Variants in ABCC2 observed in about 807,000 individuals in gnomAD.
The protein encoded by ABCC2 is ATP binding cassette subfamily C member 2, also known as ATP-binding cassette sub-family C member 2.
ABCC2 carries 157 observed loss-of-function variants against 173.4 expected under a neutral mutation model. That is an observed-to-expected ratio of 0.91 (90% CI 0.80 to 1.03). ABCC2 has a LOEUF of 1.03. ABCC2 is among the 50% of genes least tolerant of loss of function. ABCC2 has a pLI of 0.00. For synonymous variants in ABCC2, 657 were observed against 693.5 expected, an observed-to-expected ratio of 0.95 and a Z score of 0.83; for missense variants, 1,822 against 1,852.3, an observed-to-expected ratio of 0.98 and a Z score of 0.30.
intron 14 of ABCC2, among the ~76,000 whole-genome samples, chr10:99,811,285 GCA>G (rs2038208244): frequency 6.6e-6 from 1 of 151,612 alleles, no homozygotes; most frequent in Admixed American, 6.6e-5. Context: ...AGCCAAGATT[GCA>G]CCACTGCACT....
intron 19 of ABCC2, among the ~76,000 whole-genome samples, chr10:99,830,098 C>A (rs568943951): frequency 6.6e-6 from 1 of 152,344 alleles, no homozygotes; most frequent in Non-Finnish European, 1.5e-5. Context: ...AATATTAATT[C>A]ATCTCTCCTT....
chr10:99,789,660 A>AG (rs1185569217), intron 2 of ABCC2, among the ~76,000 whole-genome samples: 1 of 148,240 alleles, frequency 6.7e-6, no homozygotes, highest in Non-Finnish European at 1.5e-5. Context: ...GGTTGCAGTG[A>AG]GATAGCACCA....
rs764114668 is a variant in ABCC2, at chr10:99,845,641, G to C, written c.4005G>C (p.Arg1335Ser). The C allele has an allele frequency of 5.6e-6, 9 of 1,614,024 alleles. No individual in the cohort carries two copies. The South Asian group carries it at 7.7e-5, about 14-fold the overall frequency. ...ATTCGCAGATTGGTGTGGTGGGCAG[G>C]ACAGGAGCTGGAAAGTCATCCCTCA... ...GSMEKIGVVG[R>S]TGAGKSSLTN... The change falls in exon 29 of 32, where the codon AGG becomes AGC. Residue 1335 changes from arginine to serine, a missense_variant. Arg to Ser is a moderately radical substitution (Grantham distance 110). Transcript: ENST00000647814.
intron 9 of ABCC2, among the ~76,000 whole-genome samples, chr10:99,802,152 A>C (rs1261336846): frequency 2.0e-5 from 3 of 150,792 alleles, no homozygotes; most frequent in African/African-American, 7.5e-5. Flanking sequence ...TTTTGCAACT[A>C]TTACAATTAA....
chr10:99,827,767 CT>C, intron 19 of ABCC2, among the ~76,000 whole-genome samples: 1 of 150,666 alleles, frequency 6.6e-6, no homozygotes, highest in East Asian at 2.0e-4. Context: ...TTTAATAAAG[CT>C]GAGATAAGAG....
intron 16 of ABCC2, among the ~76,000 whole-genome samples, chr10:99,816,494 G>A (rs2038415514): frequency 1.3e-5 from 2 of 150,232 alleles, no homozygotes; most frequent in African/African-American, 2.5e-5. Flanking sequence ...ATGTTGGCCA[G>A]GTTGGTCACT....
chr10:99,804,187 G>A lies in ABCC2; in HGVS notation c.1378G>A (p.Gly460Arg). Residue 460 changes from glycine (G) to arginine (R), a missense_variant, in exon 10 of 32, where the codon GGA (glycine) becomes AGA (arginine). Physicochemically the swap from Gly to Arg is moderately radical, Grantham distance 125. Transcript: ENST00000647814. ...LSIFFLWREL[G>R]PSVLAGVGVM... ...TATCTTCTTCCTATGGAGAGAGTTGGGACCCTCAGTCTTAGCAGGTGTTGG... is the reference window on the plus strand; with the variant it reads ...TATCTTCTTCCTATGGAGAGAGTTGAGACCCTCAGTCTTAGCAGGTGTTGG... The A allele has an allele frequency of 6.2e-7, 1 of 1,614,026 alleles. No homozygotes were observed.
At chr10:99,844,776 G>C (rs1231525502) in intron 28 of ABCC2, among the ~76,000 whole-genome samples, 1 of 152,158 alleles carries the variant, frequency 6.6e-6, no homozygotes, top group Non-Finnish European at 1.5e-5. Flanking sequence ...AAACAAGGGG[G>C]CGGCCAGGCC....
At chr10:99,783,896 T>C (rs915357586) in intron 1 of ABCC2, among the ~76,000 whole-genome samples, 5 of 151,938 alleles carry the variant, frequency 3.3e-5, no homozygotes, top group Admixed American at 6.6e-5. Context: ...CTTTAAAGAG[T>C]CTGTATAAAT....
intron 21 of ABCC2, among the ~76,000 whole-genome samples, chr10:99,831,213 ATTTT>A (rs572543262): frequency 6.6e-6 from 1 of 152,026 alleles, no homozygotes; most frequent in Non-Finnish European, 1.5e-5. Flanking sequence ...TTCCACTCTG[ATTTT>A]TTGTTTGTGT....
chr10:99,832,464 G>A (rs939385272), intron 23 of ABCC2, among the ~76,000 whole-genome samples: 7 of 152,198 alleles, frequency 4.6e-5, no homozygotes, highest in African/African-American at 1.4e-4. Flanking sequence ...CCCAGCCTGC[G>A]TGATAAAGGT....
chr10:99,784,612 C>T lies in ABCC2; in HGVS notation c.38C>T (p.Ser13Phe). Residue 13 changes from serine (S) to phenylalanine (F), a missense_variant, in exon 2 of 32, where the codon TCC becomes TTC. Coordinates refer to ENST00000647814, the MANE Select transcript of ABCC2 (RefSeq NM_000392.5). ...TCCTTCCCCTTTGGTCTCCAGAATT[C>T]CTCATTCCTGGACAGTCCGGAGGCA... ...EKFCNSTFWN[S>F]SFLDSPEADL... The T allele has an allele frequency of 6.2e-7, 1 of 1,614,090 alleles. No individual in the cohort carries two copies. Among genetic ancestry groups the T allele is most frequent in the Non-Finnish European group, 8.5e-7 (1 of 1,180,032 alleles).
chr10:99,836,240 G>A lies in ABCC2; in HGVS notation c.3564G>A (p.Val1188=), dbSNP rs779532259. 5 of 1,614,192 alleles carry A rather than the reference G, an allele frequency of 3.1e-6. No individual in the cohort carries two copies. Among genetic ancestry groups the A allele is most frequent in the Non-Finnish European group, 4.2e-6 (5 of 1,180,038 alleles). Residue 1188 remains valine (V), a synonymous_variant, in exon 25 of 32, where the codon GTG becomes GTA. Transcript: ENST00000647814. ...AGCGATTTCTGAAACACAATGAGGT[G>A]AGGATTGACACCAACCAGAAATGTG... ...HQQRFLKHNE[V]RIDTNQKCVF... is the part of the protein sequence containing the mutation.
chr10:99,834,539 G>C lies in ABCC2; in HGVS notation c.3414+4G>C. 1 of 1,614,094 alleles carries C rather than the reference G, an allele frequency of 6.2e-7. No homozygotes were observed. The highest frequency in any genetic ancestry group is 8.5e-7 in the Non-Finnish European group (1 of 1,179,976). On this transcript the variant is annotated splice_donor_region_variant and intron_variant, in intron 24 of 31. Coordinates refer to ENST00000647814, the MANE Select transcript of ABCC2 (RefSeq NM_000392.5). ...CATTATTTATGTATCTGTTCAGGTA[G>C]GTTTGGAAATGGCTAAGTCATCCTT...
At chr10:99,849,486 T>C (rs1482706728) in intron 30 of ABCC2, among the ~76,000 whole-genome samples, 1 of 152,216 alleles carries the variant, frequency 6.6e-6, no homozygotes, top group East Asian at 1.9e-4. Context: ...TTAAATGGTA[T>C]TACCAATGCC....
At position 99,782,822 on chromosome 10, in the gene ABCC2, G is replaced by C. The variant is rs17216156; in HGVS notation, c.-23G>C. 1 of 1,613,500 alleles carries C rather than the reference G, an allele frequency of 6.2e-7. No individual in the cohort carries two copies. The highest frequency in any genetic ancestry group is 2.2e-5 in the East Asian group (1 of 44,870). ...CAATCATATTAATAGAAGAGTCTTC[G>C]TTCCAGACGCAGTCCAGGAATCATG... On this transcript the variant is annotated 5_prime_UTR_variant, in exon 1 of 32. Transcript: ENST00000647814.
chr10:99,816,707 A>T (rs1442477321), intron 16 of ABCC2, among the ~76,000 whole-genome samples: 1 of 152,158 alleles, frequency 6.6e-6, no homozygotes, highest in Non-Finnish European at 1.5e-5. Context: ...GGAGAAGGTG[A>T]GCGGCGAGCG....
In ABCC2 at chr10:99,836,028, G is replaced by A. The variant is rs1024627603; in HGVS notation, c.3415-63G>A. The A allele has an allele frequency of 1.0e-5, 16 of 1,538,554 alleles. No individual in the cohort carries two copies. In the African/African-American group the frequency reaches 1.6e-4, roughly 16 times the overall value. On this transcript the variant is annotated intron_variant, in intron 24 of 31. Transcript: ENST00000647814. ...AAGAATGCTGGGTTGTGGCCAGAAA[G>A]GAGGAAGATGGTGGATGCCTCATGA...
In ABCC2 at chr10:99,793,655, A is replaced by G. The variant is rs759860316; in HGVS notation, c.438A>G (p.Gln146=). The change falls in exon 4 of 32, where the codon CAA becomes CAG. Residue 146 remains glutamine (Q), a synonymous_variant. Coordinates refer to ENST00000647814, the MANE Select transcript of ABCC2 (RefSeq NM_000392.5). ...WILSILCGTF[Q]FQTLIRTLLQ... ...TCTCGATACTCTGTGGCACTTTCCA[A>G]TTTCAGACTCTGATCCGGACACTCT... The G allele has an allele frequency of 2.5e-6, 4 of 1,613,974 alleles. No homozygotes were observed. The highest frequency in any genetic ancestry group is 2.2e-5 in the East Asian group (1 of 44,888).
Sources: gnomAD v4.1 joint callset for allele counts (sites outside exome capture counted in the v4.1 genomes callset) on GRCh38, gnomAD v4.1.1 for gene constraint, MANE v1.5 for transcripts, NCBI Gene and HGNC (gene_info 2026-07-23, HGNC 2026-07-21) for gene names.